Variants in SLC41A2 observed in about 807,000 individuals in gnomAD.
SLC41A2 encodes solute carrier family 41 member 2.
SLC41A2 carries 32 observed loss-of-function variants against 58.3 expected under a neutral mutation model. That is an observed-to-expected ratio of 0.55 (90% CI 0.41 to 0.74). The LOEUF is 0.74. Ranked by LOEUF, SLC41A2 falls within the 30% of genes least tolerant of loss-of-function variation. The pLI is 0.00. For missense variants in SLC41A2, 514 were observed against 680.6 expected (o/e 0.76, Z 2.72); for synonymous variants, 190 against 235.0 (o/e 0.81, Z 1.75).
chr12:104,878,994 T>C (rs1204769220), intron 6 of SLC41A2, among the ~76,000 whole-genome samples: 1 of 152,252 alleles, frequency 6.6e-6, no homozygotes, highest in Non-Finnish European at 1.5e-5. Flanking sequence ...GACTTTTTAA[T>C]GACCGCCATT....
At chr12:104,889,540 G>A (rs11112225) in intron 4 of SLC41A2, among the ~76,000 whole-genome samples, 1,813 of 152,310 alleles carry the variant, frequency 0.012, 34 homozygotes, top group African/African-American at 0.041. Context: ...GCTGGCAAGA[G>A]ATTGGATTTT....
At chr12:104,918,335 A>G (rs2046425081) in intron 2 of SLC41A2, among the ~76,000 whole-genome samples, 2 of 152,138 alleles carry the variant, frequency 1.3e-5, no homozygotes, top group Non-Finnish European at 2.9e-5. Flanking sequence ...AAACACACCC[A>G]TATAATGACT....
At chr12:104,911,294 C>A (rs1454006190) in intron 2 of SLC41A2, among the ~76,000 whole-genome samples, 1 of 152,156 alleles carries the variant, frequency 6.6e-6, no homozygotes, top group Non-Finnish European at 1.5e-5. Context: ...TTCTCCATAC[C>A]TCCTGAGGCT....
chr12:104,884,210 A>C (rs1478520078), intron 6 of SLC41A2, among the ~76,000 whole-genome samples: 1 of 152,240 alleles, frequency 6.6e-6, no homozygotes, highest in African/African-American at 2.4e-5. Context: ...GTGCAGTATT[A>C]GGGCAGGAGT....
chr12:104,853,924 T>TTTTTTTTTTTTTTA (rs2042914659), intron 8 of SLC41A2, among the ~76,000 whole-genome samples: 2 of 136,658 alleles, frequency 1.5e-5, no homozygotes, highest in African/African-American at 5.5e-5. Flanking sequence ...TTTTTTTTTT[T>TTTTTTTTTTTTTTA]TTTTTTTTTT....
At chr12:104,879,852 T>C (rs1011598746) in intron 6 of SLC41A2, among the ~76,000 whole-genome samples, 49 of 152,288 alleles carry the variant, frequency 3.2e-4, no homozygotes, top group African/African-American at 1.2e-3. Context: ...GGTAGCTTGA[T>C]GGGAATGGCA....
chr12:104,926,116 G>C (rs1434237498), intron 2 of SLC41A2, among the ~76,000 whole-genome samples: 2 of 151,976 alleles, frequency 1.3e-5, no homozygotes, highest in Non-Finnish European at 2.9e-5. Context: ...AATAACCTGA[G>C]GTTCCTTTAG....
chr12:104,843,576 C>T (rs1327416193), intron 10 of SLC41A2, among the ~76,000 whole-genome samples: 1 of 151,984 alleles, frequency 6.6e-6, no homozygotes, highest in Non-Finnish European at 1.5e-5. Flanking sequence ...TATGTTTTAA[C>T]TCAGTAATCT....
intron 3 of SLC41A2, among the ~76,000 whole-genome samples, chr12:104,905,176 G>A (rs1007893116): frequency 7.2e-5 from 11 of 152,282 alleles, no homozygotes; most frequent in Middle Eastern, 3.4e-3. Context: ...GTCGATTGGT[G>A]CACTCACAAA....
At chr12:104,841,391 C>T (rs1270164755) in intron 10 of SLC41A2, among the ~76,000 whole-genome samples, 1 of 151,618 alleles carries the variant, frequency 6.6e-6, no homozygotes, top group Admixed American at 6.6e-5. Context: ...CCTCCTTCCA[C>T]TGAAGGAGAT....
intron 2 of SLC41A2, among the ~76,000 whole-genome samples, chr12:104,927,030 C>T (rs180921288): frequency 4.6e-5 from 7 of 151,980 alleles, no homozygotes; most frequent in South Asian, 2.1e-4. Flanking sequence ...GGTGTAGTGA[C>T]CTAGGCCACA....
intron 10 of SLC41A2, among the ~76,000 whole-genome samples, chr12:104,806,066 CTTTA>C (rs201729937): frequency 0.014 from 2,115 of 151,898 alleles, 47 homozygotes; most frequent in African/African-American, 0.047. Flanking sequence ...TTTATTTTTA[CTTTA>C]TTTTTTACTA....
chr12:104,918,647 A>AAAC (rs56051982), intron 2 of SLC41A2, among the ~76,000 whole-genome samples: 1 of 150,550 alleles, frequency 6.6e-6, no homozygotes, highest in African/African-American at 2.4e-5. Flanking sequence ...AAAAAAAAAA[A>AAAC]CTAAAAACAG....
intron 1 of SLC41A2, among the ~76,000 whole-genome samples, chr12:104,930,520 C>G (rs1185371963): frequency 6.6e-6 from 1 of 152,132 alleles, no homozygotes; most frequent in African/African-American, 2.4e-5. Flanking sequence ...GATCTTTAAT[C>G]AAATAAAATG....
intron 3 of SLC41A2, among the ~76,000 whole-genome samples, chr12:104,908,000 C>T (rs550260575): frequency 8.4e-4 from 128 of 152,302 alleles, no homozygotes; most frequent in African/African-American, 3.0e-3. Context: ...CACAGTGGCT[C>T]ACGCCTGTAA....
chr12:104,847,560 A>C (rs2042647250), intron 8 of SLC41A2, among the ~76,000 whole-genome samples: 1 of 148,370 alleles, frequency 6.7e-6, no homozygotes, highest in African/African-American at 2.5e-5. Context: ...AGCTGAGATC[A>C]CACCACTGCA....
intron 6 of SLC41A2, among the ~76,000 whole-genome samples, chr12:104,873,097 C>G (rs2043864143): frequency 6.6e-6 from 1 of 152,156 alleles, no homozygotes; most frequent in Non-Finnish European, 1.5e-5. Context: ...GTTGTACATT[C>G]ATTGGATCTC....
At position 104,909,465 on chromosome 12, in the gene SLC41A2, G is replaced by T. The variant is rs74432410; in HGVS notation, c.663+190C>A. 0.039 allele frequency among the ~76,000 whole-genome samples: 5,865 copies of T among 152,250 alleles called. 158 individuals are homozygous for T. The highest frequency in any genetic ancestry group is 0.1 in the East Asian group (544 of 5,182). On this transcript the variant is annotated intron_variant, in intron 3 of 10. Coordinates refer to ENST00000258538, the MANE Select transcript of SLC41A2 (RefSeq NM_001352171.3). ...CAAAGGAGGCAAGTAACTACTTCCT[G>T]GGATAAAAGAGGGCCTATAATTATC...
Position 104,844,534 on chromosome 12 carries a change from T to G in SLC41A2, c.1474A>C (p.Ser492Arg). The G allele has an allele frequency of 6.3e-7, 1 of 1,575,038 alleles. No homozygotes were observed. Among genetic ancestry groups the G allele is most frequent in the Non-Finnish European group, 8.6e-7 (1 of 1,161,264 alleles). ...ATTATAGTTAAAGAAGTATGACCAC[T>G]TTTCATCAAATGAATAGTGTAGAGG... ...IFLYTIHLMKSGHTSLTIIFI... is the reference protein window; with the variant it reads ...IFLYTIHLMKRGHTSLTIIFI... The change falls in exon 10 of 11, where the codon AGT becomes CGT. Residue 492 changes from serine (S) to arginine (R), a missense_variant. Transcript: ENST00000258538.
Sources: allele counts gnomAD v4.1 joint callset (sites outside exome capture counted in the v4.1 genomes callset), GRCh38; gene constraint gnomAD v4.1.1; transcripts MANE v1.5; gene names NCBI Gene and HGNC (gene_info 2026-07-23, HGNC 2026-07-21).